KLHL1: variants seen among roughly 807,000 people sequenced by gnomAD.
KLHL1 encodes the protein kelch-like protein 1.
KLHL1 carries 47 observed loss-of-function variants against 77.7 expected under a neutral mutation model. That is an observed-to-expected ratio of 0.60 (90% CI 0.48 to 0.77). KLHL1 has a LOEUF of 0.77. Among genes scored for constraint, KLHL1 ranks in the 30% least tolerant of loss-of-function variants. The pLI is 0.00. For missense variants in KLHL1, 925 were observed against 910.8 expected (o/e 1.02, Z -0.20); for synonymous variants, 360 against 325.2 (o/e 1.11, Z -1.15).
intron 4 of KLHL1, among the ~76,000 whole-genome samples, chr13:69,903,782 C>G (rs535906357): frequency 3.4e-4 from 51 of 151,476 alleles, no homozygotes; most frequent in African/African-American, 1.1e-3. Flanking sequence ...GCTGGGATTA[C>G]AGGTGCGTAC....
At chr13:69,893,327 C>G (rs1240793629) in intron 4 of KLHL1, among the ~76,000 whole-genome samples, 1 of 150,760 alleles carries the variant, frequency 6.6e-6, no homozygotes, top group African/African-American at 2.4e-5. Context: ...CTCCGCTTCC[C>G]GGGTTCACGC....
chr13:69,884,989 GGACTGCA>G (rs1268815030), intron 4 of KLHL1, among the ~76,000 whole-genome samples: 2 of 127,418 alleles, frequency 1.6e-5, no homozygotes, highest in African/African-American at 7.4e-5. Flanking sequence ...GCCGGACTGC[GGACTGCA>G]GTGGCGCAAT....
At chr13:69,959,329 G>T (rs1883993657) in intron 3 of KLHL1, among the ~76,000 whole-genome samples, 1 of 151,922 alleles carries the variant, frequency 6.6e-6, no homozygotes, top group Admixed American at 6.6e-5. Flanking sequence ...GTTGCTGGAA[G>T]GATTCCTAAA....
At chr13:69,929,607 T>G (rs1455457436) in intron 4 of KLHL1, among the ~76,000 whole-genome samples, 1 of 151,890 alleles carries the variant, frequency 6.6e-6, no homozygotes, top group East Asian at 1.9e-4. Context: ...TATCATCTCA[T>G]ATATTATTTT....
At chr13:69,967,455 G>C (rs781523967) in intron 2 of KLHL1, among the ~76,000 whole-genome samples, 21 of 152,168 alleles carry the variant, frequency 1.4e-4, no homozygotes, top group Non-Finnish European at 2.9e-4. Context: ...TAACTGAATT[G>C]CCGCAATGTC....
chr13:69,948,072 A>G (rs1883585770), intron 3 of KLHL1, among the ~76,000 whole-genome samples: 1 of 152,038 alleles, frequency 6.6e-6, no homozygotes, highest in Non-Finnish European at 1.5e-5. Context: ...TTCTAACAAA[A>G]GACAACTTTT....
intron 5 of KLHL1, among the ~76,000 whole-genome samples, chr13:69,876,553 T>G (rs562133845): frequency 6.6e-6 from 1 of 152,202 alleles, no homozygotes; most frequent in African/African-American, 2.4e-5. Flanking sequence ...TAAACCATAT[T>G]CCTCTAAATC....
chr13:69,881,403 G>T (rs375173168), intron 5 of KLHL1, among the ~76,000 whole-genome samples: 24 of 152,102 alleles, frequency 1.6e-4, no homozygotes, highest in African/African-American at 5.8e-4. Context: ...TGTTGATTGT[G>T]ATTTGGATTC....
At chr13:69,948,094 TC>T (rs991455828) in intron 3 of KLHL1, among the ~76,000 whole-genome samples, 48 of 151,508 alleles carry the variant, frequency 3.2e-4, no homozygotes, top group South Asian at 1.2e-3. Context: ...GAGATTGTTT[TC>T]AAAAAAAAAT....
chr13:69,845,759 T>C (rs1879435126), intron 5 of KLHL1, among the ~76,000 whole-genome samples: 1 of 151,564 alleles, frequency 6.6e-6, no homozygotes, highest in Non-Finnish European at 1.5e-5. Context: ...ACAAAATATC[T>C]TGAAATCATG....
At chr13:69,880,113 G>A (rs1312194374) in intron 5 of KLHL1, among the ~76,000 whole-genome samples, 1 of 152,048 alleles carries the variant, frequency 6.6e-6, no homozygotes, top group Non-Finnish European at 1.5e-5. Flanking sequence ...ATTCATATCT[G>A]GCCAACCTAT....
chr13:69,897,371 G>T (rs1348947674), intron 4 of KLHL1, among the ~76,000 whole-genome samples: 1 of 152,170 alleles, frequency 6.6e-6, no homozygotes, highest in Non-Finnish European at 1.5e-5. Context: ...ATTAAATGAT[G>T]CTTTCAGTTA....
chr13:69,942,469 GAATA>G (rs1883394403), intron 3 of KLHL1, among the ~76,000 whole-genome samples: 1 of 151,922 alleles, frequency 6.6e-6, no homozygotes, highest in Admixed American at 6.6e-5. Flanking sequence ...TTTTCATCAT[GAATA>G]GTTTTATGAC....
intron 1 of KLHL1, among the ~76,000 whole-genome samples, chr13:70,055,929 A>T (rs965674047): frequency 1.3e-5 from 2 of 152,124 alleles, no homozygotes; most frequent in Non-Finnish European, 2.9e-5. Context: ...AAACAACCAG[A>T]AAACAAATAA....
chr13:69,884,979 GCCGGA>G (rs1180320792), intron 4 of KLHL1, among the ~76,000 whole-genome samples: 151 of 125,568 alleles, frequency 1.2e-3, no homozygotes, highest in Admixed American at 2.9e-3. Flanking sequence ...TGTCGCCCAG[GCCGGA>G]CTGCGGACTG....
intron 2 of KLHL1, among the ~76,000 whole-genome samples, chr13:69,974,422 G>A (rs1884483762): frequency 2.0e-5 from 3 of 151,346 alleles, no homozygotes; most frequent in Admixed American, 1.3e-4. Flanking sequence ...AATAACTAAT[G>A]TATATAAACA....
chr13:70,075,588 T>TATATATATAC (rs1221350719), intron 1 of KLHL1, among the ~76,000 whole-genome samples: 32 of 122,008 alleles, frequency 2.6e-4, no homozygotes, highest in African/African-American at 8.0e-4. Context: ...TATATATATA[T>TATATATATAC]ACACACACAC....
intron 1 of KLHL1, among the ~76,000 whole-genome samples, chr13:70,002,287 T>G (rs997594370): frequency 6.6e-6 from 1 of 151,726 alleles, no homozygotes; most frequent in Middle Eastern, 3.4e-3. Flanking sequence ...GACAAGGTCT[T>G]TAAAGAATGA....
intron 5 of KLHL1, among the ~76,000 whole-genome samples, chr13:69,856,697 T>A (rs928731555): frequency 6.6e-6 from 1 of 152,132 alleles, no homozygotes; most frequent in African/African-American, 2.4e-5. Context: ...AAATACTTAG[T>A]GCATATTTCC....
Sources: allele counts gnomAD v4.1 joint callset (sites outside exome capture counted in the v4.1 genomes callset), GRCh38; gene constraint gnomAD v4.1.1; transcripts MANE v1.5; gene names NCBI Gene and HGNC (gene_info 2026-07-23, HGNC 2026-07-21).